RAD51B: variants seen among roughly 807,000 people sequenced by gnomAD.
The protein encoded by RAD51B is RAD51 paralog B, also known as DNA repair protein RAD51 homolog 2.
Under a neutral mutation model 42.2 loss-of-function variants are expected in RAD51B, and 38 were observed. That is an observed-to-expected ratio of 0.90 (90% CI 0.70 to 1.18). The LOEUF is 1.18. RAD51B is among the 50% of genes most tolerant of loss of function. RAD51B has a pLI of 0.00. For synonymous variants in RAD51B, 154 were observed against 145.2 expected, an observed-to-expected ratio of 1.06 and a Z score of -0.43; for missense variants, 373 against 400.7, an observed-to-expected ratio of 0.93 and a Z score of 0.59.
intron 11 of RAD51B, among the ~76,000 whole-genome samples, chr14:68,659,471 A>G (rs1892889370): frequency 2.0e-5 from 3 of 152,174 alleles, no homozygotes; most frequent in Admixed American, 2.0e-4. Flanking sequence ...TGGGGAGGAG[A>G]AGAGGGCGGG....
chr14:68,070,065 G>C (rs1308728556), intron 7 of RAD51B, among the ~76,000 whole-genome samples: 1 of 151,996 alleles, frequency 6.6e-6, no homozygotes, highest in African/African-American at 2.4e-5. Flanking sequence ...TCATGTGCTT[G>C]TTGGCCATGT....
At chr14:68,107,795 A>C (rs2077398835) in intron 7 of RAD51B, among the ~76,000 whole-genome samples, 1 of 151,898 alleles carries the variant, frequency 6.6e-6, no homozygotes. Flanking sequence ...GGTACTTTAC[A>C]GAACACATCA....
intron 7 of RAD51B, among the ~76,000 whole-genome samples, chr14:67,930,681 G>T (rs184899948): frequency 2.0e-5 from 3 of 152,012 alleles, no homozygotes; most frequent in African/African-American, 7.2e-5. Context: ...AAGACCTTTC[G>T]CATTGGATCA....
intron 7 of RAD51B, among the ~76,000 whole-genome samples, chr14:68,289,113 T>C (rs994179199): frequency 6.6e-6 from 1 of 152,050 alleles, no homozygotes; most frequent in African/African-American, 2.4e-5. Context: ...ATATAGAAAA[T>C]TGTGATTTAG....
intron 9 of RAD51B, among the ~76,000 whole-genome samples, chr14:68,460,527 C>T (rs944201027): frequency 2.0e-5 from 3 of 152,194 alleles, no homozygotes; most frequent in Non-Finnish European, 4.4e-5. Flanking sequence ...GTGCTGCCTG[C>T]TCCACACTGG....
rs369185590 is a variant in RAD51B, at chr14:68,000,752, A to G, written c.756+113548A>G. Among the ~76,000 whole-genome samples the G allele has an allele frequency of 6.6e-5, 10 of 152,298 alleles. No homozygotes were observed. The East Asian group carries it at 9.7e-4, about 15-fold the overall frequency. On this transcript the variant is annotated intron_variant, in intron 7 of 10. Coordinates refer to ENST00000471583, the MANE Select transcript of RAD51B (RefSeq NM_133510.4). ...AGAAGGGCTATTATCCCTGAAAATG[A>G]TGAGACCGGAAATGAGAAAAGCAAA...
intron 9 of RAD51B, among the ~76,000 whole-genome samples, chr14:68,457,773 A>ATTT (rs771439291): frequency 1.4e-4 from 15 of 106,754 alleles, no homozygotes; most frequent in African/African-American, 3.0e-4. Context: ...TAATTTTTGT[A>ATTT]TTTTTTTTTT....
chr14:67,849,123 A>C (rs185474900), intron 4 of RAD51B, among the ~76,000 whole-genome samples: 3 of 152,210 alleles, frequency 2.0e-5, no homozygotes, highest in Non-Finnish European at 2.9e-5. Context: ...ATATTAGGGA[A>C]ATTTTCTTGA....
intron 5 of RAD51B, among the ~76,000 whole-genome samples, chr14:67,875,552 T>C (rs1444875975): frequency 2.0e-5 from 3 of 152,312 alleles, no homozygotes; most frequent in Non-Finnish European, 2.9e-5. Flanking sequence ...GTGTTACAAT[T>C]GCCTACAATA....
At chr14:68,634,319 C>T (rs542672920) in intron 10 of RAD51B, among the ~76,000 whole-genome samples, 6 of 152,296 alleles carry the variant, frequency 3.9e-5, no homozygotes, top group African/African-American at 1.4e-4. Context: ...ATCCCAAAGT[C>T]ACCTCCTCTG....
chr14:68,594,532 G>T lies in RAD51B; in HGVS notation c.1084G>T (p.Glu362Ter), dbSNP rs1020481394. ...CCAAGCTGAACTGAACTGGGCTCCA[G>T]AAATCCTCCCACCTCAGCCTCCTGA... Residue 362 changes from glutamate to a stop codon, truncating the protein, a stop_gained, in exon 11 of 11, where the codon GAA becomes TAA. Transcript: ENST00000487270. LOFTEE classifies it high-confidence loss of function. 1 of 1,353,540 alleles carries T rather than the reference G, an allele frequency of 7.4e-7. No homozygotes were observed. Among genetic ancestry groups the T allele is most frequent in the African/African-American group, 1.5e-5 (1 of 68,080 alleles). 83.8% of individuals were successfully genotyped at this position (1,353,540 alleles called of 1,614,324 possible).
In RAD51B at chr14:67,919,424, G is replaced by A. The variant is rs549808660; in HGVS notation, c.756+32220G>A. On this transcript the variant is annotated intron_variant, in intron 7 of 10. Coordinates refer to ENST00000471583, the MANE Select transcript of RAD51B (RefSeq NM_133510.4). Reference sequence around the variant, plus strand: ...TCCCTTTCTCCCCTAAAGACAGGATGTAAATTCTTTACTGGAAAAAAACCC... The same window carrying A: ...TCCCTTTCTCCCCTAAAGACAGGATATAAATTCTTTACTGGAAAAAAACCC... 9.1e-4 allele frequency among the ~76,000 whole-genome samples: 138 copies of A among 152,266 alleles called. 1 individual carries two copies. The highest frequency in any genetic ancestry group is 3.3e-3 in the African/African-American group (136 of 41,554).
At chr14:67,830,410 G>GT (rs139853898) in intron 3 of RAD51B, among the ~76,000 whole-genome samples, 123 of 150,836 alleles carry the variant, frequency 8.2e-4, no homozygotes, top group African/African-American at 2.3e-3. Flanking sequence ...GATAATTTTT[G>GT]TTTTTTTTTG....
chr14:67,877,378 C>G (rs2042760439), intron 5 of RAD51B, among the ~76,000 whole-genome samples: 1 of 152,100 alleles, frequency 6.6e-6, no homozygotes, highest in African/African-American at 2.4e-5. Context: ...GAGGTGAACT[C>G]ATATCCTCTT....
intron 7 of RAD51B, among the ~76,000 whole-genome samples, chr14:68,104,644 G>A (rs913994207): frequency 6.6e-6 from 1 of 152,054 alleles, no homozygotes; most frequent in Non-Finnish European, 1.5e-5. Context: ...TTGGAATAGG[G>A]TTATCTCCAG....
intron 7 of RAD51B, among the ~76,000 whole-genome samples, chr14:68,155,226 C>T (rs1387942992): frequency 6.6e-6 from 1 of 150,458 alleles, no homozygotes; most frequent in East Asian, 1.9e-4. Context: ...GAGTCTCGCT[C>T]TATTGCCCAG....
At chr14:68,028,287 G>A (rs1176477766) in intron 7 of RAD51B, among the ~76,000 whole-genome samples, 2 of 152,218 alleles carry the variant, frequency 1.3e-5, no homozygotes, top group East Asian at 3.8e-4. Context: ...CCTTGGGGGA[G>A]CCCCCTCTGA....
intron 7 of RAD51B, among the ~76,000 whole-genome samples, chr14:68,279,420 C>T (rs879894979): frequency 6.6e-6 from 1 of 152,274 alleles, no homozygotes; most frequent in South Asian, 2.1e-4. Context: ...GTGTTTCCAG[C>T]TTCTGTGTCC....
At chr14:67,922,536 G>T (rs1053598578) in intron 7 of RAD51B, among the ~76,000 whole-genome samples, 8 of 151,340 alleles carry the variant, frequency 5.3e-5, no homozygotes, top group Non-Finnish European at 1.0e-4. Flanking sequence ...GTTGCAGATA[G>T]TATGTACTTA....
Sources: gnomAD v4.1 joint callset for allele counts (sites outside exome capture counted in the v4.1 genomes callset) on GRCh38, gnomAD v4.1.1 for gene constraint, MANE v1.5 for transcripts, NCBI Gene and HGNC (gene_info 2026-07-23, HGNC 2026-07-21) for gene names.